The following LAMTOR5 variants were observed in gnomAD, a reference collection of about 807,000 sequenced individuals.
The protein encoded by LAMTOR5 is late endosomal/lysosomal adaptor, MAPK and MTOR activator 5.
In LAMTOR5, 8 loss-of-function variants were observed where a neutral mutation model predicts 12.1. The observed-to-expected ratio is 0.66, with a 90% CI of 0.39 to 1.19. The LOEUF (loss-of-function observed/expected upper bound fraction) is 1.19. LAMTOR5 is among the 50% of genes most tolerant of loss of function. The pLI is 0.01. For missense variants in LAMTOR5, 110 were observed against 112.8 expected (o/e 0.97, Z 0.11); for synonymous variants, 37 against 41.9 (o/e 0.88, Z 0.45).
intron 1 of LAMTOR5, chr1:110,406,716 CG>C (rs1439167075): frequency 3.5e-6 from 1 of 288,156 alleles, no homozygotes; most frequent in Non-Finnish European, 6.5e-6. Flanking sequence ...CCCAGCTACT[CG>C]GGAGGCTGAG....
intron 3 of LAMTOR5, 115 bp downstream of exon 3, chr1:110,403,804 C>A: frequency 1.4e-6 from 2 of 1,463,250 alleles, no homozygotes; most frequent in Non-Finnish European, 1.8e-6. Flanking sequence ...AGATTAAGAA[C>A]TTTTCCCAAA....
At position 110,401,483 on chromosome 1, in the gene LAMTOR5, C is replaced by T; in HGVS notation, c.*40G>A. On this transcript the variant is annotated 3_prime_UTR_variant, in exon 4 of 4. Coordinates refer to ENST00000602318, the MANE Select transcript of LAMTOR5 (RefSeq NM_001382293.1). ...ATAAGGTAATTAACATAGGTAGGAT[C>T]CAGTTCCTATGACAGGCTGCTGAAG... The T allele has an allele frequency of 6.3e-7, 1 of 1,586,046 alleles. No individual in the cohort carries two copies. Among genetic ancestry groups the T allele is most frequent in the Non-Finnish European group, 8.6e-7 (1 of 1,157,702 alleles).
chr1:110,404,633 T>A (rs999026475), intron 2 of LAMTOR5, among the ~76,000 whole-genome samples: 2 of 152,260 alleles, frequency 1.3e-5, no homozygotes, highest in Non-Finnish European at 2.9e-5. Flanking sequence ...TGTCACTAAT[T>A]AACTGAATGC....
rs111778451 is a variant in LAMTOR5, at chr1:110,407,584, A to G, written c.35+2T>C. On this transcript the variant is annotated splice_donor_variant, in intron 1 of 3. Coordinates refer to ENST00000602318, the MANE Select transcript of LAMTOR5 (RefSeq NM_001382293.1). LOFTEE classifies it high-confidence loss of function. Reference sequence around the variant, plus strand: ...CAGGCCGAAGAGGCGCGCACTACTCACGTGTCTTCCAAGTGCTGCTCCAAG... The same window carrying G: ...CAGGCCGAAGAGGCGCGCACTACTCGCGTGTCTTCCAAGTGCTGCTCCAAG... 3 of 1,613,366 alleles carry G rather than the reference A, an allele frequency of 1.9e-6. No individual in the cohort carries two copies. In the African/African-American group the frequency reaches 4.0e-5, roughly 22 times the overall value.
In LAMTOR5 at chr1:110,404,047, G is replaced by A. The variant is rs1332427632; in HGVS notation, c.98-11C>T. 2 of 1,613,212 alleles carry A rather than the reference G, an allele frequency of 1.2e-6. No homozygotes were observed. The highest frequency in any genetic ancestry group is 4.5e-5 in the East Asian group (2 of 44,888). On this transcript the variant is annotated splice_polypyrimidine_tract_variant and intron_variant, in intron 2 of 3. Transcript: ENST00000602318. ...ACAGGGTCCCGCGGCCTGGAAAATA[G>A]AGATGATATATGTCACCTGATTGCT...
chr1:110,401,480 G>A lies in LAMTOR5; in HGVS notation c.*43C>T, dbSNP rs769065316. 1 of 1,579,256 alleles carries A rather than the reference G, an allele frequency of 6.3e-7. No individual in the cohort carries two copies. Among genetic ancestry groups the A allele is most frequent in the Non-Finnish European group, 8.7e-7 (1 of 1,152,342 alleles). ...TCTATAAGGTAATTAACATAGGTAG[G>A]ATCCAGTTCCTATGACAGGCTGCTG... On this transcript the variant is annotated 3_prime_UTR_variant, in exon 4 of 4. Coordinates refer to ENST00000602318, the MANE Select transcript of LAMTOR5 (RefSeq NM_001382293.1).
Position 110,407,520 on chromosome 1 carries a change from C to G in LAMTOR5, c.35+66G>C, listed in dbSNP as rs999736595. 14 of 1,565,962 alleles carry G rather than the reference C, an allele frequency of 8.9e-6. No homozygotes were observed. The South Asian group carries it at 9.3e-5, about 10-fold the overall frequency. On this transcript the variant is annotated intron_variant, in intron 1 of 3. Transcript: ENST00000602318. ...CCTGGCCGGTACTCGCAGCTCGCGC[C>G]TTTCGTTCCGCTCAAGTTCCTCCGC...
At chr1:110,406,868 TAAAC>T in intron 1 of LAMTOR5, 1 of 436,858 alleles carries the variant, frequency 2.3e-6, no homozygotes, top group East Asian at 3.5e-5. Context: ...TTAATTGAAA[TAAAC>T]CAGTTTCTCT....
rs1231202444 is a variant in LAMTOR5, at chr1:110,406,582, T to C, written c.36-203A>G. ...GCTCACGCCTGTAATCCCAGCACTTTGGGAGGCCCAGGTGGGCGGATCACC... is the reference window on the plus strand; with the variant it reads ...GCTCACGCCTGTAATCCCAGCACTTCGGGAGGCCCAGGTGGGCGGATCACC... On this transcript the variant is annotated intron_variant, in intron 1 of 3. Coordinates refer to ENST00000602318, the MANE Select transcript of LAMTOR5 (RefSeq NM_001382293.1). 2.1e-5 allele frequency: 8 copies of C among 379,020 alleles called. 1 individual carries two copies. The South Asian group carries it at 2.8e-4, about 13-fold the overall frequency. The allele number at this position is 379,020 out of a possible 1,614,324, so 23.5% of individuals were successfully genotyped here. A position where few individuals can be genotyped will look rare whatever the true frequency, so the allele number is the denominator to read the frequency against.
rs1358545363 is a variant in LAMTOR5, at chr1:110,406,328, A to C, written c.87T>G (p.Leu29=). 1 of 1,605,972 alleles carries C rather than the reference A, an allele frequency of 6.2e-7. No individual in the cohort carries two copies. Among genetic ancestry groups the C allele is most frequent in the Non-Finnish European group, 8.5e-7 (1 of 1,175,448 alleles). ...VGVLCTDSQG[L]NLGCRGTLSD... is the part of the protein sequence containing the mutation. Reference sequence around the variant, plus strand: ...ATGAGAGATACTTACAACCCAGATTAAGTCCTTGTGAATCTGTGCACAGGA... The same window carrying C: ...ATGAGAGATACTTACAACCCAGATTCAGTCCTTGTGAATCTGTGCACAGGA... Residue 29 remains leucine, a synonymous_variant, in exon 2 of 4, where the codon CTT becomes CTG. Coordinates refer to ENST00000602318, the MANE Select transcript of LAMTOR5 (RefSeq NM_001382293.1).
At chr1:110,407,188 A>C (rs35836705) in intron 1 of LAMTOR5, 102,030 of 586,106 alleles carry the variant, frequency 0.17, 9,302 homozygotes, top group East Asian at 0.2. Context: ...AGTAACTGAT[A>C]GGTTACACAC....
At chr1:110,406,885 G>C (rs1299172489) in intron 1 of LAMTOR5, 2 of 443,596 alleles carry the variant, frequency 4.5e-6, no homozygotes, top group East Asian at 3.4e-5. Context: ...GTTTCTCTCT[G>C]ATGAGAGAAA....
chr1:110,406,273 A>G, intron 2 of LAMTOR5, 45 bp downstream of exon 2: 1 of 1,312,928 alleles, frequency 7.6e-7, no homozygotes, highest in Non-Finnish European at 1.1e-6. Flanking sequence ...AGTCAACATC[A>G]GATGCTATGC....
chr1:110,406,921 C>T (rs1344987731), intron 1 of LAMTOR5: 2 of 520,500 alleles, frequency 3.8e-6, no homozygotes, highest in African/African-American at 3.9e-5. Flanking sequence ...CTGCTGAGTT[C>T]TGGAGGGCCA....
Position 110,407,688 on chromosome 1 carries a change from G to C in LAMTOR5, c.-68C>G. On this transcript the variant is annotated 5_prime_UTR_variant, in exon 1 of 4. Coordinates refer to ENST00000602318, the MANE Select transcript of LAMTOR5 (RefSeq NM_001382293.1). ...ACGTCCTTCTCCACCACAGGCCTCA[G>C]TCACTTGACGCGAGCGGGGCGTGGA... 6.2e-7 allele frequency: 1 copy of C among 1,614,244 alleles called. No individual in the cohort carries two copies. The highest frequency in any genetic ancestry group is 1.1e-5 in the South Asian group (1 of 91,090).
At chr1:110,406,663 A>G (rs1254761263) in intron 1 of LAMTOR5, 3 of 285,430 alleles carry the variant, frequency 1.1e-5, no homozygotes, top group African/African-American at 6.6e-5. Flanking sequence ...CGTCTCTACT[A>G]AAAATACAAA....
At position 110,407,622 on chromosome 1, in the gene LAMTOR5, C is replaced by G; in HGVS notation, c.-2G>C. The stretch of plus-strand genomic sequence containing the variant: ...GTGCTGCTCCAAGGTCGCCTCCATC[C>G]CACCCACCGACCACTCCGGCTCAGA... On this transcript the variant is annotated 5_prime_UTR_variant, in exon 1 of 4. Coordinates refer to ENST00000602318, the MANE Select transcript of LAMTOR5 (RefSeq NM_001382293.1). 1 of 1,614,170 alleles carries G rather than the reference C, an allele frequency of 6.2e-7. No individual in the cohort carries two copies. Among genetic ancestry groups the G allele is most frequent in the Non-Finnish European group, 8.5e-7 (1 of 1,180,028 alleles).
chr1:110,407,817 C>A, upstream of LAMTOR5: 1 of 1,613,610 alleles, frequency 6.2e-7, no homozygotes. Flanking sequence ...CTGACGAAGG[C>A]TTGGGCTCCC....
At chr1:110,405,708 G>A (rs1663313691) in intron 2 of LAMTOR5, among the ~76,000 whole-genome samples, 1 of 152,058 alleles carries the variant, frequency 6.6e-6, no homozygotes, top group Non-Finnish European at 1.5e-5. Context: ...AATGGTGCTT[G>A]GCACATAACA....
Sources: allele counts gnomAD v4.1 joint callset (sites outside exome capture counted in the v4.1 genomes callset), GRCh38; gene constraint gnomAD v4.1.1; transcripts MANE v1.5; gene names NCBI Gene and HGNC (gene_info 2026-07-23, HGNC 2026-07-21).